The following LRRC8D variants were observed in gnomAD, a reference collection of about 807,000 sequenced individuals.
LRRC8D encodes the protein leucine rich repeat containing 8 VRAC subunit D.
Under a neutral mutation model 55.8 loss-of-function variants are expected in LRRC8D, and 20 were observed. That is an observed-to-expected ratio of 0.36 (90% CI 0.25 to 0.52). The LOEUF is 0.52. LRRC8D is among the 20% of genes least tolerant of loss of function. LRRC8D has a pLI of 0.93. For missense variants in LRRC8D, 651 were observed against 1,030.8 expected (o/e 0.63, Z 5.05); for synonymous variants, 352 against 377.0 (o/e 0.93, Z 0.77).
intron 2 of LRRC8D, among the ~76,000 whole-genome samples, chr1:89,873,179 T>G (rs571472318): frequency 1.8e-4 from 27 of 152,286 alleles, no homozygotes; most frequent in African/African-American, 5.8e-4. Flanking sequence ...TAATTCAACC[T>G]GTCCTCTTTG....
intron 2 of LRRC8D, among the ~76,000 whole-genome samples, chr1:89,865,977 C>T (rs566269469): frequency 6.6e-6 from 1 of 152,316 alleles, no homozygotes; most frequent in East Asian, 1.9e-4. Flanking sequence ...ATTTTGAAAA[C>T]AACTTGAACA....
intron 2 of LRRC8D, among the ~76,000 whole-genome samples, chr1:89,908,929 A>G (rs11804060): frequency 2.0e-5 from 3 of 152,144 alleles, no homozygotes; most frequent in African/African-American, 7.2e-5. Context: ...CTTTATTTTT[A>G]AACCAGTGGA....
At chr1:89,927,293 A>G (rs1047727955) in intron 2 of LRRC8D, among the ~76,000 whole-genome samples, 1 of 152,220 alleles carries the variant, frequency 6.6e-6, no homozygotes, top group African/African-American at 2.4e-5. Context: ...AGCTTCTTTT[A>G]CCATTTCCTT....
At chr1:89,886,283 C>A (rs1662416562) in intron 2 of LRRC8D, among the ~76,000 whole-genome samples, 1 of 151,936 alleles carries the variant, frequency 6.6e-6, no homozygotes, top group South Asian at 2.1e-4. Flanking sequence ...AGGTGCTCTT[C>A]TCAAGAGCCC....
At chr1:89,880,858 A>G (rs1052141667) in intron 2 of LRRC8D, among the ~76,000 whole-genome samples, 1 of 152,152 alleles carries the variant, frequency 6.6e-6, no homozygotes, top group African/African-American at 2.4e-5. Context: ...ATGTCACTGT[A>G]TTACATAATA....
rs35883578 is a variant in LRRC8D at position 89,840,229 on chromosome 1, G to GCACA, written c.-147-3398_-147-3395dup. On this transcript the variant is annotated intron_variant, in intron 1 of 2. Transcript: ENST00000337338. ...CACGTGCACACACACACGTGCGCATGCACACACACACACAAAAGCATAACA... is the reference window on the plus strand; with the variant it reads ...CACGTGCACACACACACGTGCGCATGCACACACACACACACACAAAAGCATAACA... Among the ~76,000 whole-genome samples the GCACA allele has an allele frequency of 7.0e-3, 1,059 of 151,758 alleles. 3 individuals are homozygous for GCACA. Among genetic ancestry groups the GCACA allele is most frequent in the Non-Finnish European group, 0.011 (752 of 67,884 alleles).
In LRRC8D at chr1:89,843,711, C is replaced by CA; in HGVS notation, c.-73dup. 1.4e-6 allele frequency: 1 copy of CA among 702,068 alleles called. No homozygotes were observed. The highest frequency in any genetic ancestry group is 2.6e-6 in the Non-Finnish European group (1 of 384,660). 43.5% of individuals were successfully genotyped at this position (702,068 alleles called of 1,614,324 possible). ...GTGAAGTCTCCTGTCGCCGTGGTTCCAGCCTCCGGAGCTCGCCCAAGCCGC... is the reference window on the plus strand; with the variant it reads ...GTGAAGTCTCCTGTCGCCGTGGTTCCAAGCCTCCGGAGCTCGCCCAAGCCGC... On this transcript the variant is annotated 5_prime_UTR_variant, in exon 2 of 3. Transcript: ENST00000337338.
intron 2 of LRRC8D, among the ~76,000 whole-genome samples, chr1:89,914,094 G>T (rs116619826): frequency 0.011 from 1,643 of 152,322 alleles, 39 homozygotes; most frequent in African/African-American, 0.038. Context: ...CATGGTAAAA[G>T]GTCAGTCCCC....
At chr1:89,824,384 A>C (rs780564553) in intron 1 of LRRC8D, among the ~76,000 whole-genome samples, 2 of 152,214 alleles carry the variant, frequency 1.3e-5, no homozygotes, top group Non-Finnish European at 2.9e-5. Context: ...ATAGCAGATG[A>C]GCACAGTATG....
rs985894361 is a variant in LRRC8D, at chr1:89,900,056, G to A, written c.-2-33011G>A. Among the ~76,000 whole-genome samples, 18 of 152,298 alleles carry A rather than the reference G, an allele frequency of 1.2e-4. 1 individual carries two copies. Among genetic ancestry groups the A allele is most frequent in the African/African-American group, 4.1e-4 (17 of 41,562 alleles). ...GAGATAGACTCAAAACCAGATAATT[G>A]TACGAGAGTGTAGAGGGGCAGAAAT... On this transcript the variant is annotated intron_variant, in intron 2 of 2. Coordinates refer to ENST00000337338, the MANE Select transcript of LRRC8D (RefSeq NM_001134479.2).
At chr1:89,854,034 G>T (rs754801233) in intron 2 of LRRC8D, among the ~76,000 whole-genome samples, 1 of 152,148 alleles carries the variant, frequency 6.6e-6, no homozygotes, top group Non-Finnish European at 1.5e-5. Flanking sequence ...AAAAGATAGG[G>T]GGGCCAAGTT....
At chr1:89,909,536 G>A (rs1472832185) in intron 2 of LRRC8D, among the ~76,000 whole-genome samples, 2 of 151,790 alleles carry the variant, frequency 1.3e-5, no homozygotes, top group Non-Finnish European at 2.9e-5. Context: ...TCGTTCAGGA[G>A]CAGCATAGGA....
rs1175777551 is a variant in LRRC8D at position 89,883,939 on chromosome 1, A to G, written c.-3+40157A>G. 5.3e-5 allele frequency among the ~76,000 whole-genome samples: 8 copies of G among 152,324 alleles called. No individual in the cohort carries two copies. The East Asian group carries it at 1.5e-3, about 29-fold the overall frequency. On this transcript the variant is annotated intron_variant, in intron 2 of 2. Coordinates refer to ENST00000337338, the MANE Select transcript of LRRC8D (RefSeq NM_001134479.2). ...ACCCAAACAAACACCCACTGCCAGC[A>G]TCCAACTCAGGAAGGTCATCCGATC...
intron 1 of LRRC8D, among the ~76,000 whole-genome samples, chr1:89,838,641 G>C (rs1557443575): frequency 6.6e-6 from 1 of 152,108 alleles, no homozygotes; most frequent in Non-Finnish European, 1.5e-5. Flanking sequence ...AATTTTGGGG[G>C]ATCTTACCCT....
At chr1:89,874,443 TTGTGTGTGTGTGTGTGTGTGTG>T (rs36202085) in intron 2 of LRRC8D, among the ~76,000 whole-genome samples, 1 of 146,296 alleles carries the variant, frequency 6.8e-6, no homozygotes, top group African/African-American at 2.5e-5. Flanking sequence ...AAGAAACTAT[TTGTGTGTGTGTGTGTGTGTGTG>T]TGTGTGTGTG....
At chr1:89,857,851 T>C (rs1207519901) in intron 2 of LRRC8D, among the ~76,000 whole-genome samples, 1 of 152,230 alleles carries the variant, frequency 6.6e-6, no homozygotes, top group Non-Finnish European at 1.5e-5. Context: ...TTATTGAGGT[T>C]CTCCTCTAAG....
chr1:89,846,531 G>A (rs1036795165), intron 2 of LRRC8D: 2 of 152,174 alleles, frequency 1.3e-5, no homozygotes, highest in East Asian at 3.9e-4. Flanking sequence ...GAAAGCCGCT[G>A]CCTAAGGAAG....
At chr1:89,932,955 AAGAT>A (rs1414612865) in intron 2 of LRRC8D, 108 bp from the exon 3 acceptor site, 2 of 837,984 alleles carry the variant, frequency 2.4e-6, no homozygotes, top group Non-Finnish European at 3.7e-6. Context: ...ATTGGATAAA[AAGAT>A]AGGACCTGAA....
At chr1:89,860,756 CAAAAA>C (rs1181859656) in intron 2 of LRRC8D, among the ~76,000 whole-genome samples, 7 of 18,846 alleles carry the variant, frequency 3.7e-4, no homozygotes, top group African/African-American at 9.3e-4. Context: ...GACTCTATCT[CAAAAA>C]AAAAAAAAAA....
Sources: gnomAD v4.1 joint callset for allele counts (sites outside exome capture counted in the v4.1 genomes callset) on GRCh38, gnomAD v4.1.1 for gene constraint, MANE v1.5 for transcripts, NCBI Gene and HGNC (gene_info 2026-07-23, HGNC 2026-07-21) for gene names.